SPEF2: variants seen among roughly 807,000 people sequenced by gnomAD.
SPEF2 encodes sperm flagellar and cilia associated 2, also known as sperm flagella and cilia-associated protein 2.
Under a neutral mutation model 224.6 loss-of-function variants are expected in SPEF2, and 187 were observed. The observed-to-expected ratio is 0.83, with a 90% CI of 0.74 to 0.94. The LOEUF (loss-of-function observed/expected upper bound fraction) is 0.94. Among genes scored for constraint, SPEF2 ranks in the 40% least tolerant of loss-of-function variants. The pLI is 0.00. For synonymous variants in SPEF2, 715 were observed against 707.3 expected (o/e 1.01, Z -0.17); for missense variants, 2,170 against 2,135.6 (o/e 1.02, Z -0.32).
At chr5:35,698,273 G>A (rs1755624690) in intron 15 of SPEF2, 1 of 152,734 alleles carries the variant, frequency 6.5e-6, no homozygotes, top group Admixed American at 6.5e-5. Flanking sequence ...TGTGGAAACA[G>A]TGAGACCAAG....
intron 1 of SPEF2, among the ~76,000 whole-genome samples, chr5:35,625,590 C>G (rs2149362764): frequency 6.6e-6 from 1 of 152,302 alleles, no homozygotes; most frequent in Admixed American, 6.5e-5. Context: ...GGACAAGACC[C>G]TGATGGCGTA....
At chr5:35,690,750 T>C (rs1283269158) in intron 10 of SPEF2, among the ~76,000 whole-genome samples, 2 of 152,174 alleles carry the variant, frequency 1.3e-5, no homozygotes, top group East Asian at 3.8e-4. Context: ...ATAACATCAA[T>C]TTAAATGTCT....
intron 7 of SPEF2, 105 bp downstream of exon 7, chr5:35,654,831 G>T (rs1390662046): frequency 3.2e-6 from 3 of 942,696 alleles, no homozygotes; most frequent in Non-Finnish European, 1.5e-6. Context: ...CTGCTACTCT[G>T]CATCAAATGT....
chr5:35,694,271 G>A lies in SPEF2; in HGVS notation c.1900-17G>A, dbSNP rs546203999. On this transcript the variant is annotated splice_polypyrimidine_tract_variant and intron_variant, in intron 12 of 36. Coordinates refer to ENST00000356031, the MANE Select transcript of SPEF2 (RefSeq NM_024867.4). The stretch of plus-strand genomic sequence containing the variant: ...GCAATGGTAAAATCCCTCCCTATGT[G>A]TGTTTTCTCTCCAAAGGATCCACAA... 73 of 1,609,040 alleles carry A rather than the reference G, an allele frequency of 4.5e-5. No individual in the cohort carries two copies. In the East Asian group the frequency reaches 1.3e-3, roughly 29 times the overall value.
chr5:35,807,044 C>A, intron 35 of SPEF2, 87 bp from the exon 36 acceptor site: 5 of 1,559,898 alleles, frequency 3.2e-6, no homozygotes, highest in Non-Finnish European at 4.3e-6. Context: ...TGAAATTATA[C>A]AGAATCTCTT....
At chr5:35,634,966 G>A (rs1458416760) in intron 2 of SPEF2, among the ~76,000 whole-genome samples, 1 of 151,876 alleles carries the variant, frequency 6.6e-6, no homozygotes, top group East Asian at 1.9e-4. Flanking sequence ...TCTTGAATGT[G>A]ATAGTTTCTC....
chr5:35,795,338 C>T (rs544172763), intron 32 of SPEF2, among the ~76,000 whole-genome samples: 1 of 152,220 alleles, frequency 6.6e-6, no homozygotes, highest in East Asian at 1.9e-4. Flanking sequence ...CAGACTCCTC[C>T]GAAATATGAC....
chr5:35,779,234 A>T lies in SPEF2; in HGVS notation c.4335A>T (p.Pro1445=). The T allele has an allele frequency of 6.2e-7, 1 of 1,613,982 alleles. No homozygotes were observed. Among genetic ancestry groups the T allele is most frequent in the Non-Finnish European group, 8.5e-7 (1 of 1,179,882 alleles). The change falls in exon 30 of 37, where the codon CCA becomes CCT. Residue 1445 remains proline, a synonymous_variant. Coordinates refer to ENST00000356031, the MANE Select transcript of SPEF2 (RefSeq NM_024867.4). ...FFINGNIKVF[P]DPPPSIRPPP... is the part of the protein sequence containing the mutation. Reference sequence around the variant, plus strand: ...TTAATGGCAATATAAAAGTCTTCCCAGATCCTCCCCCATCAATACGTCCTC... The same window carrying T: ...TTAATGGCAATATAAAAGTCTTCCCTGATCCTCCCCCATCAATACGTCCTC...
At chr5:35,795,836 T>C (rs533627900) in intron 33 of SPEF2, 41 bp downstream of exon 33, 3 of 1,507,282 alleles carry the variant, frequency 2.0e-6, no homozygotes, top group South Asian at 2.3e-5. Context: ...ATTATAGCAC[T>C]AATCATTTTC....
chr5:35,765,715 C>T (rs1256540589), intron 26 of SPEF2, among the ~76,000 whole-genome samples: 2 of 152,094 alleles, frequency 1.3e-5, no homozygotes, highest in Non-Finnish European at 2.9e-5. Context: ...ATTTTCATAA[C>T]TTTTTGCCTT....
At chr5:35,656,029 T>TA (rs1748907329) in intron 7 of SPEF2, among the ~76,000 whole-genome samples, 1 of 152,120 alleles carries the variant, frequency 6.6e-6, no homozygotes, top group African/African-American at 2.4e-5. Context: ...ATTTTGGAGG[T>TA]AAAATCAATA....
intron 36 of SPEF2, among the ~76,000 whole-genome samples, chr5:35,809,611 G>C (rs1561398982): frequency 6.6e-6 from 1 of 152,110 alleles, no homozygotes; most frequent in Non-Finnish European, 1.5e-5. Context: ...GCCTGGGAAA[G>C]GTATAAAATG....
At chr5:35,625,270 C>T (rs1323809744) in intron 1 of SPEF2, among the ~76,000 whole-genome samples, 1 of 152,130 alleles carries the variant, frequency 6.6e-6, no homozygotes, top group East Asian at 1.9e-4. Flanking sequence ...ACTATAAACA[C>T]CTCTATTTTA....
At chr5:35,778,995 C>A in intron 29 of SPEF2, 122 bp from the exon 30 acceptor site, 1 of 571,608 alleles carries the variant, frequency 1.7e-6, no homozygotes, top group Non-Finnish European at 2.9e-6. Context: ...TATAAGCATG[C>A]AGATGGAGTT....
chr5:35,771,887 C>T lies in SPEF2; in HGVS notation c.3949+131C>T, dbSNP rs1351540811. 6.2e-6 allele frequency: 7 copies of T among 1,131,674 alleles called. No individual in the cohort carries two copies. The Admixed American group carries it at 1.3e-4, about 21-fold the overall frequency. The allele number at this position is 1,131,674 out of a possible 1,614,324, so 70.1% of individuals were successfully genotyped here. On this transcript the variant is annotated intron_variant, in intron 27 of 36. Transcript: ENST00000356031. Reference sequence around the variant, plus strand: ...TACTCATTAGGTTTAAACTAGAGACCCGGGCTTCTATGATTTGTGGTGTTA... The same window carrying T: ...TACTCATTAGGTTTAAACTAGAGACTCGGGCTTCTATGATTTGTGGTGTTA...
chr5:35,760,930 TAAAAC>T (rs1350927559), intron 25 of SPEF2, among the ~76,000 whole-genome samples: 2 of 152,054 alleles, frequency 1.3e-5, no homozygotes, highest in Non-Finnish European at 2.9e-5. Context: ...AGTGAAGAAT[TAAAAC>T]AATCCTTTTT....
intron 8 of SPEF2, 37 bp downstream of exon 8, chr5:35,659,244 A>C (rs2149448766): frequency 2.0e-6 from 3 of 1,505,352 alleles, no homozygotes; most frequent in Non-Finnish European, 2.7e-6. Flanking sequence ...TTCTAAGGTT[A>C]CTTTTGTTTC....
At position 35,729,035 on chromosome 5, in the gene SPEF2, T is replaced by G. The variant is rs1745161728; in HGVS notation, c.3063+1212T>G. Among the ~76,000 whole-genome samples the G allele has an allele frequency of 3.3e-5, 5 of 152,194 alleles. No individual in the cohort carries two copies. In the South Asian group the frequency reaches 1.0e-3, roughly 32 times the overall value. ...TTAACTCCAAAACTTGAAGCCCTTG[T>G]AAGAAATAAATCTATAGAGGACAAG... On this transcript the variant is annotated intron_variant, in intron 21 of 36. Coordinates refer to ENST00000356031, the MANE Select transcript of SPEF2 (RefSeq NM_024867.4).
At chr5:35,805,415 C>T (rs762315868) in intron 34 of SPEF2, among the ~76,000 whole-genome samples, 17 of 152,132 alleles carry the variant, frequency 1.1e-4, no homozygotes, top group Non-Finnish European at 1.8e-4. Flanking sequence ...ATTTACATGA[C>T]TATTTAGAAA....
Sources: allele counts gnomAD v4.1 joint callset (sites outside exome capture counted in the v4.1 genomes callset), GRCh38; gene constraint gnomAD v4.1.1; transcripts MANE v1.5; gene names NCBI Gene and HGNC (gene_info 2026-07-23, HGNC 2026-07-21).